Variants in AP5Z1 observed in about 807,000 individuals in gnomAD.
AP5Z1 encodes the protein adaptor related protein complex 5 subunit zeta 1.
AP5Z1 carries 106 observed loss-of-function variants against 83.0 expected under a neutral mutation model. The ratio of observed to expected loss-of-function variants is 1.28; its 90% CI spans 1.09 to 1.50. AP5Z1 has a LOEUF of 1.50. Ranked by LOEUF, AP5Z1 falls within the 40% of genes most tolerant of loss-of-function variation. AP5Z1 has a pLI of 0.00. For synonymous variants in AP5Z1, 751 were observed against 514.1 expected (o/e 1.46, Z -6.23); for missense variants, 1,565 against 1,094.2 (o/e 1.43, Z -6.07).
intron 4 of AP5Z1, 30 bp from the exon 5 acceptor site, chr7:4,783,659 C>T: frequency 6.5e-7 from 1 of 1,540,072 alleles, no homozygotes; most frequent in Non-Finnish European, 8.8e-7. Flanking sequence ...GATTCAACCT[C>T]ACCTCCCCAT....
In AP5Z1 at chr7:4,785,524, C is replaced by T; in HGVS notation, c.972C>T (p.Cys324=). The T allele has an allele frequency of 2.5e-6, 4 of 1,613,236 alleles. No homozygotes were observed. The highest frequency in any genetic ancestry group is 2.5e-6 in the Non-Finnish European group (3 of 1,179,716). Residue 324 remains cysteine (C), a splice_region_variant and synonymous_variant, in exon 9 of 17, where the codon TGC becomes TGT. Coordinates refer to ENST00000649063, the MANE Select transcript of AP5Z1 (RefSeq NM_014855.3). ...RKGDSDLQKA[C]LVEAVLVLDV... ...TTGATGTGGTCCATGTCCCGCAGTG[C>T]CTGGTGGAGGCCGTGCTGGTGCTGG...
In AP5Z1 at chr7:4,787,685, C is replaced by T. The variant is rs1333831363; in HGVS notation, c.1363C>T (p.Pro455Ser). 2.6e-6 allele frequency: 4 copies of T among 1,552,820 alleles called. No homozygotes were observed. The highest frequency in any genetic ancestry group is 3.5e-6 in the Non-Finnish European group (4 of 1,148,872). Residue 455 changes from proline (P) to serine (S), a missense_variant, in exon 11 of 17, where the codon CCG becomes TCG. By Grantham distance (74) the Pro-to-Ser change is moderately conservative. Transcript: ENST00000649063. ...PLTSEFVALL[P>S]ALVDAGTALE... is the part of the protein sequence containing the mutation. ...CACCTCCGAGTTTGTGGCGCTCCTC[C>T]CGGCCCTGGTGGACGCTGGCACAGC...
rs1033041152 is a variant in AP5Z1 at position 4,791,488 on chromosome 7, G to T, written c.*103G>T. On this transcript the variant is annotated 3_prime_UTR_variant, in exon 17 of 17. Transcript: ENST00000649063. ...GCTCAGGAGGGCGCGGGAGTCCTGG[G>T]AGAGGAGGCAAGGCCCACGGTGGGC... 1.0e-5 allele frequency: 15 copies of T among 1,456,624 alleles called. No homozygotes were observed. The highest frequency in any genetic ancestry group is 1.4e-5 in the Non-Finnish European group (15 of 1,094,670). The allele number at this position is 1,456,624 out of a possible 1,614,324, so 90.2% of individuals were successfully genotyped here.
At chr7:4,784,462 A>G (rs1191495660) in intron 6 of AP5Z1, 91 bp downstream of exon 6, 1 of 1,428,872 alleles carries the variant, frequency 7.0e-7, no homozygotes, top group East Asian at 2.5e-5. Context: ...AGGTGGGGGG[A>G]CTCGGGTGTG....
chr7:4,789,575 G>C (rs1200304433), intron 13 of AP5Z1, among the ~76,000 whole-genome samples: 4 of 152,220 alleles, frequency 2.6e-5, no homozygotes, highest in Non-Finnish European at 5.9e-5. Context: ...GCCTGGCCTT[G>C]CAGAGCGGGA....
intron 12 of AP5Z1, 138 bp downstream of exon 12, chr7:4,788,432 C>T (rs1156474326): frequency 2.6e-6 from 3 of 1,136,166 alleles, no homozygotes; most frequent in Non-Finnish European, 3.6e-6. Context: ...CCCGTCATCA[C>T]CATTATAGAG....
chr7:4,784,859 C>G (rs1191085991), intron 6 of AP5Z1, 49 bp from the exon 7 acceptor site: 4 of 1,580,970 alleles, frequency 2.5e-6, no homozygotes, highest in Non-Finnish European at 3.4e-6. Flanking sequence ...AGGCATGTCC[C>G]AGCCCGGGAG....
At position 4,783,681 on chromosome 7, in the gene AP5Z1, C is replaced by CA. The variant is rs1424657209; in HGVS notation, c.512-7dup. ...CCTCACCTCCCCATGCCACCCCACC[C>CA]ACTGCAGACCAGGCCACCCTGCTCA... On this transcript the variant is annotated splice_region_variant and splice_polypyrimidine_tract_variant and intron_variant, in intron 4 of 16. Coordinates refer to ENST00000649063, the MANE Select transcript of AP5Z1 (RefSeq NM_014855.3). 3.2e-6 allele frequency: 5 copies of CA among 1,548,770 alleles called. No individual in the cohort carries two copies. Among genetic ancestry groups the CA allele is most frequent in the African/African-American group, 1.4e-5 (1 of 73,036 alleles).
intron 3 of AP5Z1, among the ~76,000 whole-genome samples, 194 bp downstream of exon 3, chr7:4,781,948 C>T (rs1421104989): frequency 1.3e-5 from 2 of 152,218 alleles, no homozygotes; most frequent in African/African-American, 2.4e-5. Context: ...AGCAGGCCCA[C>T]GTGGTATGTT....
chr7:4,784,466 G>C (rs972420803), intron 6 of AP5Z1, 95 bp downstream of exon 6: 5 of 1,415,556 alleles, frequency 3.5e-6, no homozygotes, highest in Non-Finnish European at 4.7e-6. Context: ...GGGGGGACTC[G>C]GGTGTGCCCA....
At chr7:4,783,199 C>A in intron 3 of AP5Z1, 117 bp from the exon 4 acceptor site, 1 of 1,424,412 alleles carries the variant, frequency 7.0e-7, no homozygotes, top group Non-Finnish European at 9.3e-7. Context: ...CTGCCACCTG[C>A]TAGGCCGGGG....
chr7:4,787,316 CCTCT>C (rs1781577999), intron 10 of AP5Z1, among the ~76,000 whole-genome samples: 1 of 151,866 alleles, frequency 6.6e-6, no homozygotes, highest in African/African-American at 2.4e-5. Context: ...CACAGGGAGA[CCTCT>C]TGTCTACAAA....
At chr7:4,782,845 C>A (rs924664040) in intron 3 of AP5Z1, among the ~76,000 whole-genome samples, 1 of 152,236 alleles carries the variant, frequency 6.6e-6, no homozygotes, top group Non-Finnish European at 1.5e-5. Context: ...GTGCACCCCC[C>A]GCCCGGCACG....
chr7:4,781,839 C>G (rs371685917), intron 3 of AP5Z1, 85 bp downstream of exon 3: 4 of 1,394,932 alleles, frequency 2.9e-6, no homozygotes, highest in Non-Finnish European at 3.8e-6. Context: ...GCGCCAGAGC[C>G]GGCAGGTGGC....
At chr7:4,783,646 T>C (rs1447723575) in intron 4 of AP5Z1, 43 bp from the exon 5 acceptor site, 4 of 1,531,236 alleles carry the variant, frequency 2.6e-6, no homozygotes, top group Non-Finnish European at 3.5e-6. Context: ...CAGGCATCTG[T>C]AGGATTCAAC....
chr7:4,777,976 C>T (rs891448885), intron 1 of AP5Z1, among the ~76,000 whole-genome samples: 10 of 152,208 alleles, frequency 6.6e-5, no homozygotes, highest in African/African-American at 1.2e-4. Context: ...CCGAACACTT[C>T]GGGAGGCCGA....
rs112922782 is a variant in AP5Z1 at position 4,782,512 on chromosome 7, G to A, written c.366+758G>A. On this transcript the variant is annotated intron_variant, in intron 3 of 16. Coordinates refer to ENST00000649063, the MANE Select transcript of AP5Z1 (RefSeq NM_014855.3). ...TTTCCCTCCGTTCCCAGCCTGCAGC[G>A]TCATGAGTTGCCTCCTGTGCTGGGG... Among the ~76,000 whole-genome samples, 23 of 152,296 alleles carry A rather than the reference G, an allele frequency of 1.5e-4. 1 individual carries two copies. The highest frequency in any genetic ancestry group is 4.1e-4 in the South Asian group (2 of 4,832).
At chr7:4,780,058 G>C (rs1407203728) in intron 1 of AP5Z1, among the ~76,000 whole-genome samples, 1 of 152,120 alleles carries the variant, frequency 6.6e-6, no homozygotes, top group Non-Finnish European at 1.5e-5. Context: ...TGGGATTACA[G>C]GTGGCCTGGG....
rs1490153054 is a variant in AP5Z1 at position 4,786,136 on chromosome 7, C to T, written c.1133-114C>T. The T allele has an allele frequency of 2.9e-5, 33 of 1,154,850 alleles. No homozygotes were observed. The Admixed American group carries it at 3.2e-4, about 11-fold the overall frequency. The allele number at this position is 1,154,850 out of a possible 1,614,324, so 71.5% of individuals were successfully genotyped here. On this transcript the variant is annotated intron_variant, in intron 9 of 16. Transcript: ENST00000649063. ...CCCAGCGTCCCAGCGTAGGACGCCT[C>T]GGAGCCCTTGGTGTCCTGGAGAGCA...
Sources: gnomAD v4.1 joint callset for allele counts (sites outside exome capture counted in the v4.1 genomes callset) on GRCh38, gnomAD v4.1.1 for gene constraint, MANE v1.5 for transcripts, NCBI Gene and HGNC (gene_info 2026-07-23, HGNC 2026-07-21) for gene names.